Variants in MAN1B1 observed in about 807,000 individuals in gnomAD.
MAN1B1 encodes endoplasmic reticulum mannosyl-oligosaccharide 1,2-alpha-mannosidase.
In MAN1B1, 66 loss-of-function variants were observed where a neutral mutation model predicts 75.5. The observed-to-expected ratio is 0.87, with a 90% confidence interval of 0.72 to 1.07. The LOEUF (loss-of-function observed/expected upper bound fraction) is 1.07. Ranked by LOEUF, MAN1B1 falls within the 50% of genes least tolerant of loss-of-function variation. The pLI is 0.00. For synonymous variants in MAN1B1, 453 were observed against 382.8 expected, an observed-to-expected ratio of 1.18 and a Z score of -2.14; for missense variants, 973 against 912.5, an observed-to-expected ratio of 1.07 and a Z score of -0.85.
At chr9:137,091,534 T>A (rs1254754907) in intron 3 of MAN1B1, among the ~76,000 whole-genome samples, 10 of 147,036 alleles carry the variant, frequency 6.8e-5, no homozygotes, top group African/African-American at 2.5e-4. Context: ...TTTTTTTTTT[T>A]TTTTTTTTTT....
At chr9:137,095,211 G>A (rs1438882251) in intron 3 of MAN1B1, among the ~76,000 whole-genome samples, 5 of 151,848 alleles carry the variant, frequency 3.3e-5, no homozygotes, top group Non-Finnish European at 7.4e-5. Flanking sequence ...GCGCCACCAC[G>A]CCTGGCTAAT....
At chr9:137,108,329 A>G in intron 12 of MAN1B1, 59 bp from the exon 13 acceptor site, 1 of 1,439,532 alleles carries the variant, frequency 6.9e-7, no homozygotes, top group Non-Finnish European at 9.8e-7. Context: ...TTCGGTGATG[A>G]GGCTGAGGGG....
At position 137,107,259 on chromosome 9, in the gene MAN1B1, G is replaced by T; in HGVS notation, c.1576G>T (p.Val526Leu). 1 of 1,612,948 alleles carries T rather than the reference G, an allele frequency of 6.2e-7. No homozygotes were observed. Among genetic ancestry groups the T allele is most frequent in the Non-Finnish European group, 8.5e-7 (1 of 1,179,942 alleles). Residue 526 changes from valine (V) to leucine (L), a missense_variant, in exon 11 of 13, where the codon GTG (valine) becomes TTG (leucine). Transcript: ENST00000371589. ...GRFSAKMDHL[V>L]CFLPGTLALG... ...GACCCTCTGATTCCAGGACCACCTGGTGTGCTTCCTGCCAGGGACGCTGGC... is the reference window on the plus strand; with the variant it reads ...GACCCTCTGATTCCAGGACCACCTGTTGTGCTTCCTGCCAGGGACGCTGGC...
In MAN1B1 at chr9:137,109,138, A is replaced by G. The variant is rs1355047661; in HGVS notation, c.*547A>G. On this transcript the variant is annotated 3_prime_UTR_variant, in exon 13 of 13. Transcript: ENST00000371589. ...GTCCGTCTAGCTCACGGGCCCCTCC[A>G]GTGGAATGGGTCTTTTCGGTGGAGA... 2.2e-6 allele frequency: 1 copy of G among 454,796 alleles called. No homozygotes were observed. Among genetic ancestry groups the G allele is most frequent in the Non-Finnish European group, 4.4e-6 (1 of 227,018 alleles). 28.2% of individuals were successfully genotyped at this position (454,796 alleles called of 1,614,324 possible).
chr9:137,092,217 G>A (rs924115450), intron 3 of MAN1B1, among the ~76,000 whole-genome samples: 3 of 151,734 alleles, frequency 2.0e-5, no homozygotes, highest in Non-Finnish European at 4.4e-5. Flanking sequence ...AAAAAAATTA[G>A]CCAGGCACGA....
At chr9:137,107,963 G>A in intron 12 of MAN1B1, 2 of 631,258 alleles carry the variant, frequency 3.2e-6, no homozygotes, top group Non-Finnish European at 5.8e-6. Context: ...CCCAGTTTAG[G>A]AGGCACACGC....
chr9:137,101,807 C>T (rs1372105560), intron 8 of MAN1B1, 135 bp downstream of exon 8: 32 of 1,090,348 alleles, frequency 2.9e-5, no homozygotes, highest in Non-Finnish European at 4.1e-5. Flanking sequence ...ACACAAAACG[C>T]ACCACCTTAA....
intron 10 of MAN1B1, 163 bp from the exon 11 acceptor site, chr9:137,107,087 G>T (rs1490383192): frequency 1.2e-6 from 1 of 815,594 alleles, no homozygotes; most frequent in Non-Finnish European, 1.9e-6. Context: ...TGGAGGGCCT[G>T]GTCCAGGCAG....
intron 12 of MAN1B1, 52 bp from the exon 13 acceptor site, chr9:137,108,336 G>C: frequency 6.9e-7 from 1 of 1,448,284 alleles, no homozygotes; most frequent in Non-Finnish European, 9.7e-7. Flanking sequence ...ATGAGGCTGA[G>C]GGGGGTGCAG....
chr9:137,088,808 C>T (rs1830446113), intron 2 of MAN1B1, 61 bp from the exon 3 acceptor site: 4 of 1,578,440 alleles, frequency 2.5e-6, no homozygotes, highest in Non-Finnish European at 3.5e-6. Context: ...TTTTATAAAG[C>T]AGTTTAAATC....
chr9:137,102,540 C>T (rs574550742), intron 8 of MAN1B1: 5 of 415,214 alleles, frequency 1.2e-5, no homozygotes, highest in East Asian at 7.3e-5. Flanking sequence ...GCGTGCAGGT[C>T]GGTGGTGTTA....
rs147539826 is a variant in MAN1B1, at chr9:137,091,576, C to T, written c.465+2571C>T. ...GAGTCTTCCTCTGTTTCCCAGGCTG[C>T]AGTGCAGTAGCGCAATCTCAGGTCA... is the stretch of plus-strand genomic sequence containing the variant. On this transcript the variant is annotated intron_variant, in intron 3 of 12. Transcript: ENST00000371589. Among the ~76,000 whole-genome samples, 811 of 135,272 alleles carry T rather than the reference C, an allele frequency of 6.0e-3. 5 individuals are homozygous for T. The highest frequency in any genetic ancestry group is 0.013 in the African/African-American group (486 of 37,088). The allele number at this position is 135,272 out of a possible 152,430, so 88.7% of individuals were successfully genotyped here.
Position 137,100,895 on chromosome 9 carries a change from C to T in MAN1B1, c.917-110C>T, listed in dbSNP as rs772393175. On this transcript the variant is annotated intron_variant, in intron 6 of 12. Coordinates refer to ENST00000371589, the MANE Select transcript of MAN1B1 (RefSeq NM_016219.5). The stretch of plus-strand genomic sequence containing the variant: ...TCAGCCTCCCAAAGTGCTGGGATTA[C>T]AGGCATGAGCCACCACGCCCAGCCA... 3.8e-5 allele frequency: 48 copies of T among 1,250,642 alleles called. 1 individual carries two copies. Among genetic ancestry groups the T allele is most frequent in the South Asian group, 3.7e-4 (30 of 80,678 alleles). The allele number at this position is 1,250,642 out of a possible 1,614,324, so 77.5% of individuals were successfully genotyped here.
intron 3 of MAN1B1, among the ~76,000 whole-genome samples, chr9:137,092,692 G>C (rs745970341): frequency 6.6e-6 from 1 of 152,218 alleles, no homozygotes; most frequent in Non-Finnish European, 1.5e-5. Context: ...TCCCGAATTT[G>C]CTTCCCCTGC....
At chr9:137,089,050 A>C in intron 3 of MAN1B1, 45 bp downstream of exon 3, 1 of 1,611,658 alleles carries the variant, frequency 6.2e-7, no homozygotes, top group Non-Finnish European at 8.5e-7. Flanking sequence ...GGTTCAATCC[A>C]GAGGCATTTC....
chr9:137,097,807 A>G (rs559405652), intron 4 of MAN1B1, 21 bp from the exon 5 acceptor site: 2 of 1,524,766 alleles, frequency 1.3e-6, no homozygotes, highest in African/African-American at 2.8e-5. Flanking sequence ...GGCAGCTGAC[A>G]CCCTTCCTTC....
In MAN1B1 at chr9:137,107,823, G is replaced by A. The variant is rs1046318305; in HGVS notation, c.1896+161G>A. ...GGGGTGGCCACACTGCAGCTTGGGG[G>A]CCCTGGCATCCCCATCCCCACTGAG... On this transcript the variant is annotated intron_variant, in intron 12 of 12. Coordinates refer to ENST00000371589, the MANE Select transcript of MAN1B1 (RefSeq NM_016219.5). The A allele has an allele frequency of 6.5e-6, 6 of 929,202 alleles. No individual in the cohort carries two copies. In the Admixed American group the frequency reaches 8.5e-5, roughly 13 times the overall value. The allele number at this position is 929,202 out of a possible 1,614,324, so 57.6% of individuals were successfully genotyped here.
intron 4 of MAN1B1, among the ~76,000 whole-genome samples, chr9:137,097,181 C>T (rs1179678008): frequency 6.6e-6 from 1 of 152,212 alleles, no homozygotes; most frequent in Non-Finnish European, 1.5e-5. Context: ...CGCTTTACTT[C>T]CAGAGCAAAA....
At chr9:137,103,913 C>T (rs766449282) in intron 8 of MAN1B1, 15 of 443,500 alleles carry the variant, frequency 3.4e-5, no homozygotes, top group African/African-American at 4.4e-5. Context: ...GCATGCAGGT[C>T]GGTAGTGTTA....
Sources: allele counts gnomAD v4.1 joint callset (sites outside exome capture counted in the v4.1 genomes callset), GRCh38; gene constraint gnomAD v4.1.1; transcripts MANE v1.5; gene names NCBI Gene and HGNC (gene_info 2026-07-23, HGNC 2026-07-21).